The following ADAMTSL1 variants were observed in gnomAD, a reference collection of about 807,000 sequenced individuals.
The protein encoded by ADAMTSL1 is ADAMTS-like protein 1.
In ADAMTSL1, 126 loss-of-function variants were observed where a neutral mutation model predicts 201.8. That is an observed-to-expected ratio of 0.62 (90% CI 0.54 to 0.72). The LOEUF is 0.72. Among genes scored for constraint, ADAMTSL1 ranks in the 30% least tolerant of loss-of-function variants. The pLI is 0.00. For missense variants in ADAMTSL1, 2,679 were observed against 2,277.8 expected (o/e 1.18, Z -3.59); for synonymous variants, 1,121 against 903.4 (o/e 1.24, Z -4.32).
chr9:18,584,545 A>T (rs1823353111), intron 4 of ADAMTSL1, among the ~76,000 whole-genome samples: 1 of 152,178 alleles, frequency 6.6e-6, no homozygotes, highest in African/African-American at 2.4e-5. Flanking sequence ...GTATAACAGG[A>T]CTCATCTTTC....
intron 1 of ADAMTSL1, among the ~76,000 whole-genome samples, chr9:18,480,607 T>C (rs1164563203): frequency 1.3e-5 from 2 of 152,230 alleles, no homozygotes; most frequent in Admixed American, 6.5e-5. Context: ...TTTGTTATGC[T>C]GAAAACTTTT....
At chr9:17,917,963 T>C (rs34796531) in intron 1 of ADAMTSL1, among the ~76,000 whole-genome samples, 14,146 of 151,984 alleles carry the variant, frequency 0.093, 767 homozygotes, top group South Asian at 0.22. Flanking sequence ...AAGTAGTTCA[T>C]AGTGCTCCTT....
intron 1 of ADAMTSL1, among the ~76,000 whole-genome samples, chr9:18,118,405 G>A (rs1240758476): frequency 2.0e-5 from 3 of 152,192 alleles, no homozygotes; most frequent in Admixed American, 1.3e-4. Context: ...CAGGTCCAGT[G>A]TTTTCCACCT....
intron 2 of ADAMTSL1, among the ~76,000 whole-genome samples, chr9:18,437,274 C>T (rs577671553): frequency 8.1e-4 from 123 of 152,204 alleles, no homozygotes; most frequent in Non-Finnish European, 1.5e-3. Flanking sequence ...CTCCATGTCC[C>T]GTGTCCAAAT....
intron 1 of ADAMTSL1, among the ~76,000 whole-genome samples, chr9:18,483,543 A>T (rs1821833684): frequency 6.6e-6 from 1 of 152,204 alleles, no homozygotes; most frequent in African/African-American, 2.4e-5. Flanking sequence ...AAACTCAAAG[A>T]TCGGCGTGGC....
chr9:18,839,001 C>T (rs1039846004), intron 23 of ADAMTSL1, among the ~76,000 whole-genome samples: 1 of 148,996 alleles, frequency 6.7e-6, no homozygotes, highest in African/African-American at 2.5e-5. Context: ...GGCCCACCCC[C>T]TCTTTTTAGC....
intron 2 of ADAMTSL1, among the ~76,000 whole-genome samples, chr9:18,217,284 G>C (rs1355751024): frequency 6.6e-6 from 1 of 152,122 alleles, no homozygotes; most frequent in Non-Finnish European, 1.5e-5. Context: ...GTGAAGTTTA[G>C]ATGAGGAGCC....
chr9:18,127,752 G>A (rs1376374183), intron 1 of ADAMTSL1, among the ~76,000 whole-genome samples: 26 of 152,224 alleles, frequency 1.7e-4, no homozygotes, highest in Non-Finnish European at 4.4e-5. Flanking sequence ...TGTTGGTTTG[G>A]CAGCACACAG....
At position 18,474,429 on chromosome 9, in the gene ADAMTSL1, A is replaced by G. The variant is rs146667173; in HGVS notation, c.63+134A>G. On this transcript the variant is annotated intron_variant, in intron 1 of 28. Transcript: ENST00000380548. ...AACTCCAGGTAAAATAATTTACACG[A>G]TTACAAAGAGAGAATACTCCTTCTA... 3.5e-3 allele frequency: 3,202 copies of G among 903,082 alleles called. 11 individuals are homozygous for G. The highest frequency in any genetic ancestry group is 4.5e-3 in the Non-Finnish European group (2,590 of 573,880). The allele number at this position is 903,082 out of a possible 1,614,324, so 55.9% of individuals were successfully genotyped here. A position where few individuals can be genotyped will look rare whatever the true frequency, so the allele number is the denominator to read the frequency against.
chr9:18,680,200 C>G, intron 10 of ADAMTSL1, 112 bp from the exon 11 acceptor site: 1 of 1,105,546 alleles, frequency 9.0e-7, no homozygotes, highest in South Asian at 1.6e-5. Flanking sequence ...TGGACCTTAG[C>G]CTCTCAGAAC....
At chr9:18,454,600 G>A (rs80008650) in intron 2 of ADAMTSL1, among the ~76,000 whole-genome samples, 2,366 of 152,204 alleles carry the variant, frequency 0.016, 57 homozygotes, top group African/African-American at 0.055. Context: ...TATTGTTATG[G>A]CAATTCAGGC....
intron 2 of ADAMTSL1, among the ~76,000 whole-genome samples, chr9:18,243,324 C>T (rs148280499): frequency 2.4e-4 from 37 of 152,200 alleles, no homozygotes; most frequent in African/African-American, 8.7e-4. Flanking sequence ...TCTTCTCTTG[C>T]CCTTTCTTAT....
chr9:18,118,801 C>T (rs574952178), intron 1 of ADAMTSL1, among the ~76,000 whole-genome samples: 5 of 152,202 alleles, frequency 3.3e-5, no homozygotes, highest in African/African-American at 7.2e-5. Flanking sequence ...TGCCTTTATT[C>T]GAAATTGTAG....
chr9:18,520,898 G>T (rs1249238494), intron 2 of ADAMTSL1, among the ~76,000 whole-genome samples: 1 of 152,168 alleles, frequency 6.6e-6, no homozygotes, highest in African/African-American at 2.4e-5. Flanking sequence ...GTGGAAAACT[G>T]CTTCTGCGTG....
At chr9:18,365,795 G>A (rs1356776421) in intron 2 of ADAMTSL1, among the ~76,000 whole-genome samples, 2 of 152,184 alleles carry the variant, frequency 1.3e-5, no homozygotes, top group African/African-American at 4.8e-5. Flanking sequence ...CACAAAACAG[G>A]AGGGGAGCAG....
intron 1 of ADAMTSL1, among the ~76,000 whole-genome samples, chr9:17,993,223 G>A (rs1161258438): frequency 1.3e-5 from 2 of 152,102 alleles, no homozygotes; most frequent in South Asian, 2.1e-4. Flanking sequence ...TCATGCAGAA[G>A]GGTGTAGCAC....
rs1195709793 is a variant in ADAMTSL1 at position 18,908,501 on chromosome 9, C to G, written c.5242C>G (p.Leu1748Val). 6.4e-7 allele frequency: 1 copy of G among 1,564,358 alleles called. No homozygotes were observed. Among genetic ancestry groups the G allele is most frequent in the South Asian group, 1.2e-5 (1 of 84,594 alleles). The part of the protein sequence containing the change: ...EKVKQLKLCQ[L>V]SQFKSRCCGT... ...GGTGAAACAGCTGAAACTCTGCCAA[C>G]TCAGCCAGTTTAAATCTCGCTGCTG... Residue 1748 changes from leucine (L) to valine (V), a missense_variant, in exon 29 of 29, where the codon CTC (leucine) becomes GTC (valine). Physicochemically the swap from Leu to Val is conservative, Grantham distance 32 (BLOSUM62 1). Coordinates refer to ENST00000380548, the MANE Select transcript of ADAMTSL1 (RefSeq NM_001040272.6).
At chr9:17,913,845 A>G (rs1343495475) in intron 1 of ADAMTSL1, among the ~76,000 whole-genome samples, 2 of 152,084 alleles carry the variant, frequency 1.3e-5, no homozygotes, top group Admixed American at 6.6e-5. Context: ...GGATATCACC[A>G]CCGATCCCAC....
intron 3 of ADAMTSL1, among the ~76,000 whole-genome samples, chr9:18,556,826 A>G (rs1821137489): frequency 6.6e-6 from 1 of 152,068 alleles, no homozygotes; most frequent in Non-Finnish European, 1.5e-5. Context: ...TTATATTTAA[A>G]GAAATTATAT....
Sources: gnomAD v4.1 joint callset for allele counts (sites outside exome capture counted in the v4.1 genomes callset) on GRCh38, gnomAD v4.1.1 for gene constraint, MANE v1.5 for transcripts, NCBI Gene and HGNC (gene_info 2026-07-23, HGNC 2026-07-21) for gene names.